Variants in SRPK2 observed in about 807,000 individuals in gnomAD.
SRPK2 encodes SRSF protein kinase 2.
In SRPK2, 21 loss-of-function variants were observed where a neutral mutation model predicts 90.8. The observed-to-expected ratio is 0.23, with a 90% confidence interval of 0.16 to 0.33. The LOEUF is 0.33. SRPK2 is among the 10% of genes least tolerant of loss of function. SRPK2 has a pLI of 1.00. For synonymous variants in SRPK2, 288 were observed against 311.1 expected (o/e 0.93, Z 0.78); for missense variants, 620 against 869.0 (o/e 0.71, Z 3.60).
chr7:105,257,935 G>A lies in SRPK2; in HGVS notation c.72-54150C>T, dbSNP rs145181930. ...GACCACCCTAACACAGTGAAACCCC[G>A]TCTCTACTAAAAATACAAAAAGTTA... On this transcript the variant is annotated intron_variant, in intron 2 of 15. Coordinates refer to ENST00000393651, the MANE Select transcript of SRPK2 (RefSeq NM_182692.3). 2.0e-3 allele frequency among the ~76,000 whole-genome samples: 297 copies of A among 151,708 alleles called. 5 individuals are homozygous for A. The East Asian group carries it at 0.053, about 27-fold the overall frequency.
chr7:105,199,368 T>A (rs1444076499), intron 3 of SRPK2, among the ~76,000 whole-genome samples: 1 of 152,008 alleles, frequency 6.6e-6, no homozygotes, highest in African/African-American at 2.4e-5. Context: ...AGGAATGAAG[T>A]CAATAAAAGC....
Position 105,325,173 on chromosome 7 carries a change from T to C in SRPK2, c.71+63475A>G, listed in dbSNP as rs549179955. On this transcript the variant is annotated intron_variant, in intron 2 of 15. Coordinates refer to ENST00000393651, the MANE Select transcript of SRPK2 (RefSeq NM_182692.3). ...TCAATGAAGAAAACATTTAACAAAA[T>C]AGAATCAAAGAAAGCATTTTACCTC... is the stretch of plus-strand genomic sequence containing the variant. 2.0e-4 allele frequency among the ~76,000 whole-genome samples: 31 copies of C among 152,216 alleles called. No individual in the cohort carries two copies. In the South Asian group the frequency reaches 5.0e-3, roughly 24 times the overall value.
intron 3 of SRPK2, among the ~76,000 whole-genome samples, chr7:105,170,853 AAGAAAGAAAGAAAGAAAGAAAG>A (rs1790814956): frequency 3.8e-5 from 1 of 26,042 alleles, no homozygotes; most frequent in South Asian, 1.9e-3. Flanking sequence ...GAAAGAAAGA[AAGAAAGAAAGAAAGAAAGAAAG>A]AAAGAAAGAA....
chr7:105,212,980 C>A (rs1797043610), intron 2 of SRPK2, among the ~76,000 whole-genome samples: 1 of 152,144 alleles, frequency 6.6e-6, no homozygotes. Context: ...GTGATGGAAT[C>A]TAGACATAAC....
At chr7:105,123,320 T>C (rs574999660) in intron 15 of SRPK2, among the ~76,000 whole-genome samples, 111 of 152,272 alleles carry the variant, frequency 7.3e-4, no homozygotes, top group African/African-American at 2.5e-3. Context: ...ATGAGCTGCA[T>C]TTGATGTTCA....
intron 2 of SRPK2, among the ~76,000 whole-genome samples, chr7:105,370,703 C>A (rs148335813): frequency 6.7e-6 from 1 of 149,660 alleles, no homozygotes; most frequent in African/African-American, 2.5e-5. Context: ...GCAACCTCTG[C>A]CTCCCAGGTT....
chr7:105,392,462 T>C (rs1345997505), upstream of SRPK2, among the ~76,000 whole-genome samples: 1 of 152,232 alleles, frequency 6.6e-6, no homozygotes, highest in East Asian at 1.9e-4. Context: ...CATCCATTGA[T>C]GATTCTTGCC....
intron 11 of SRPK2, among the ~76,000 whole-genome samples, chr7:105,141,074 A>G (rs1180746535): frequency 6.6e-6 from 1 of 152,226 alleles, no homozygotes; most frequent in East Asian, 1.9e-4. Flanking sequence ...CCTACATTCT[A>G]TGTAAGCACC....
chr7:105,159,464 A>AAAAAAAAAACAAAAAAAAAAAC (rs1807174541), intron 7 of SRPK2, among the ~76,000 whole-genome samples: 5 of 141,592 alleles, frequency 3.5e-5, no homozygotes, highest in African/African-American at 1.5e-4. Flanking sequence ...AAAAAAAAAA[A>AAAAAAAAAACAAAAAAAAAAAC]AAAAAAAAAC....
At chr7:105,160,662 C>A in intron 6 of SRPK2, 49 bp from the exon 7 acceptor site, 2 of 1,113,212 alleles carry the variant, frequency 1.8e-6, no homozygotes, top group Non-Finnish European at 2.8e-6. Flanking sequence ...TGGAGTGAGG[C>A]AGTTATTGAA....
chr7:105,238,441 T>G (rs990203045), intron 2 of SRPK2, among the ~76,000 whole-genome samples: 9 of 152,162 alleles, frequency 5.9e-5, no homozygotes, highest in African/African-American at 2.2e-4. Context: ...TGCCCACTGG[T>G]GGTGACTCTC....
intron 2 of SRPK2, among the ~76,000 whole-genome samples, chr7:105,359,578 C>G (rs1818199358): frequency 6.6e-6 from 1 of 152,110 alleles, no homozygotes; most frequent in African/African-American, 2.4e-5. Context: ...TGTCTAACGT[C>G]AATTTGTTTT....
chr7:105,389,924 G>A (rs117301646), upstream of SRPK2, among the ~76,000 whole-genome samples: 810 of 152,192 alleles, frequency 5.3e-3, 23 homozygotes, highest in East Asian at 0.029. Context: ...AAATCAGAAC[G>A]GGAAACTCTG....
At chr7:105,351,396 C>A (rs1243421605) in intron 2 of SRPK2, among the ~76,000 whole-genome samples, 1 of 151,956 alleles carries the variant, frequency 6.6e-6, no homozygotes, top group Non-Finnish European at 1.5e-5. Context: ...ACAGGCTCAC[C>A]CCTGTAATCC....
intron 2 of SRPK2, among the ~76,000 whole-genome samples, chr7:105,298,577 A>G (rs1810147289): frequency 6.6e-6 from 1 of 152,202 alleles, no homozygotes; most frequent in African/African-American, 2.4e-5. Flanking sequence ...CAGGAGTCTG[A>G]GGCCAGCCTG....
chr7:105,330,207 G>T (rs1413122830), intron 2 of SRPK2, among the ~76,000 whole-genome samples: 1 of 151,926 alleles, frequency 6.6e-6, no homozygotes, highest in African/African-American at 2.4e-5. Flanking sequence ...AGGCGTGGTG[G>T]CGGGTGCCCG....
chr7:105,393,195 CAT>C (rs1822227674), upstream of SRPK2, among the ~76,000 whole-genome samples: 1 of 150,244 alleles, frequency 6.7e-6, no homozygotes, highest in African/African-American at 2.5e-5. Context: ...TAGGTTTCAC[CAT>C]GTTGGCCAGG....
At chr7:105,287,749 A>T (rs1808361961) in intron 2 of SRPK2, among the ~76,000 whole-genome samples, 1 of 152,216 alleles carries the variant, frequency 6.6e-6, no homozygotes, top group Non-Finnish European at 1.5e-5. Context: ...AAATAAAAAT[A>T]AAAAATAACT....
chr7:105,177,263 G>A (rs111404611), intron 3 of SRPK2, among the ~76,000 whole-genome samples: 2,080 of 152,016 alleles, frequency 0.014, 21 homozygotes, highest in Middle Eastern at 0.031. Flanking sequence ...TTGCTATTAT[G>A]TATGCACTAA....
Sources: allele counts gnomAD v4.1 joint callset (sites outside exome capture counted in the v4.1 genomes callset), GRCh38; gene constraint gnomAD v4.1.1; transcripts MANE v1.5; gene names NCBI Gene and HGNC (gene_info 2026-07-23, HGNC 2026-07-21).